NXPE2: variants seen among roughly 807,000 people sequenced by gnomAD.
The protein encoded by NXPE2 is NXPE family member 2.
A neutral mutation model predicts 34.4 loss-of-function variants in NXPE2; 34 were observed. That is an observed-to-expected ratio of 0.99 (90% CI 0.75 to 1.31). NXPE2 has a LOEUF of 1.31. NXPE2 is among the 40% of genes most tolerant of loss of function. The pLI is 0.00. For missense variants in NXPE2, 649 were observed against 672.5 expected, an observed-to-expected ratio of 0.97 and a Z score of 0.39; for synonymous variants, 235 against 231.3, an observed-to-expected ratio of 1.02 and a Z score of -0.15.
intron 5 of NXPE2, among the ~76,000 whole-genome samples, 186 bp from the exon 6 acceptor site, chr11:114,706,209 T>C (rs1362464812): frequency 6.6e-6 from 1 of 152,148 alleles, no homozygotes; most frequent in African/African-American, 2.4e-5. Context: ...TTCCTCTTCA[T>C]GTATTCTCAT....
chr11:114,753,360 G>A, the NXPE2 span, among the ~76,000 whole-genome samples: 1 of 151,884 alleles, frequency 6.6e-6, no homozygotes, highest in African/African-American at 2.4e-5. Context: ...TCTACTGCAC[G>A]TCAGCCTCGG....
chr11:114,676,864 A>C (rs1415643691), upstream of NXPE2, among the ~76,000 whole-genome samples: 1 of 152,100 alleles, frequency 6.6e-6, no homozygotes, highest in Admixed American at 6.6e-5. Context: ...TTAAGTATGC[A>C]TCAACAGATG....
chr11:114,571,941 G>A, the NXPE2 span, among the ~76,000 whole-genome samples: 1 of 152,158 alleles, frequency 6.6e-6, no homozygotes, highest in Non-Finnish European at 1.5e-5. Context: ...GGAGGCCAAC[G>A]AACACAAAAC....
At chr11:114,517,499 C>T in the NXPE2 span, among the ~76,000 whole-genome samples, 1 of 152,210 alleles carries the variant, frequency 6.6e-6, no homozygotes, top group Admixed American at 6.5e-5. Context: ...CTGAAATGTG[C>T]TGTGTCCCTT....
chr11:114,786,379 C>T, the NXPE2 span, among the ~76,000 whole-genome samples: 1 of 134,834 alleles, frequency 7.4e-6, no homozygotes, highest in Non-Finnish European at 1.6e-5. Flanking sequence ...CCCCACCCCA[C>T]ATGACTTAAT....
rs548733329 is a variant in NXPE2, at chr11:114,686,788, T to A, written c.132+7026T>A. On this transcript the variant is annotated intron_variant, in intron 2 of 5. Transcript: ENST00000389586. ...CAACACTGCCAACATCTGTTATTTT[T>A]TGACTGTTTAATAGTAGCCATTCTG... 9.2e-5 allele frequency among the ~76,000 whole-genome samples: 14 copies of A among 152,286 alleles called. 1 individual carries two copies. In the South Asian group the frequency reaches 2.7e-3, roughly 29 times the overall value.
the NXPE2 span, among the ~76,000 whole-genome samples, chr11:114,812,566 G>C: frequency 1.3e-5 from 2 of 152,112 alleles, no homozygotes; most frequent in East Asian, 1.9e-4. Flanking sequence ...TGCTCTGTTG[G>C]AATCATGCCA....
chr11:114,625,720 G>A, the NXPE2 span, among the ~76,000 whole-genome samples: 1 of 152,170 alleles, frequency 6.6e-6, no homozygotes, highest in African/African-American at 2.4e-5. Flanking sequence ...CCCAGCATGA[G>A]CGACGCAGAA....
the NXPE2 span, chr11:114,527,772 A>G: frequency 5.6e-6 from 6 of 1,066,016 alleles, no homozygotes; most frequent in Non-Finnish European, 8.2e-6. Context: ...GAGAACTACA[A>G]TTATTTAGGT....
At chr11:114,540,885 T>TTTTTTTTTG in the NXPE2 span, among the ~76,000 whole-genome samples, 22 of 81,290 alleles carry the variant, frequency 2.7e-4, 7 homozygotes, top group South Asian at 7.9e-4. Flanking sequence ...TTTTTTTTTT[T>TTTTTTTTTG]GGCTTGAACA....
the NXPE2 span, among the ~76,000 whole-genome samples, chr11:114,760,079 A>G: frequency 1.3e-5 from 2 of 151,926 alleles, no homozygotes; most frequent in Non-Finnish European, 2.9e-5. Flanking sequence ...ACTCATTAGC[A>G]TTGGGTGCTA....
the NXPE2 span, among the ~76,000 whole-genome samples, chr11:114,564,618 C>T: frequency 6.6e-6 from 1 of 152,058 alleles, no homozygotes; most frequent in South Asian, 2.1e-4. Flanking sequence ...AGTATGCCTA[C>T]ACCACCTGGG....
chr11:114,755,678 ATCTG>A, the NXPE2 span, among the ~76,000 whole-genome samples: 19,261 of 150,944 alleles, frequency 0.13, 1,517 homozygotes, highest in African/African-American at 0.22. Context: ...TTATCTATCT[ATCTG>A]TCTGTCTATC....
the NXPE2 span, among the ~76,000 whole-genome samples, chr11:114,535,763 A>C: frequency 6.6e-6 from 1 of 152,218 alleles, no homozygotes; most frequent in East Asian, 1.9e-4. Context: ...CCAATACAGG[A>C]GCACCTAGAT....
At chr11:114,522,990 C>T in the NXPE2 span, 14 of 1,613,702 alleles carry the variant, frequency 8.7e-6, no homozygotes, top group African/African-American at 6.7e-5. Flanking sequence ...TCTAACTGAA[C>T]CTGGTTGCAA....
chr11:114,474,436 T>C, the NXPE2 span, among the ~76,000 whole-genome samples: 1 of 152,188 alleles, frequency 6.6e-6, no homozygotes, highest in South Asian at 2.1e-4. Context: ...AGGATTAGCC[T>C]ATAAGGTAGG....
chr11:114,580,463 A>AT, the NXPE2 span: 1 of 721,452 alleles, frequency 1.4e-6, no homozygotes, highest in Non-Finnish European at 2.3e-6. Flanking sequence ...TGGAAAAAGT[A>AT]TTACTGAAGT....
At chr11:114,466,568 ATT>A in the NXPE2 span, among the ~76,000 whole-genome samples, 4 of 149,252 alleles carry the variant, frequency 2.7e-5, no homozygotes, top group Admixed American at 6.7e-5. Context: ...ATATATATAT[ATT>A]GTCCAATTTT....
chr11:114,669,861 A>C, the NXPE2 span, among the ~76,000 whole-genome samples: 2 of 152,204 alleles, frequency 1.3e-5, no homozygotes, highest in East Asian at 3.9e-4. Context: ...TTGGAACACT[A>C]AGCATGTGGG....
Sources: allele counts gnomAD v4.1 joint callset (sites outside exome capture counted in the v4.1 genomes callset), GRCh38; gene constraint gnomAD v4.1.1; transcripts MANE v1.5; gene names NCBI Gene and HGNC (gene_info 2026-07-23, HGNC 2026-07-21).